The following ERC2 variants were observed in gnomAD, a reference collection of about 807,000 sequenced individuals.
The protein encoded by ERC2 is ERC protein 2.
Under a neutral mutation model 114.8 loss-of-function variants are expected in ERC2, and 42 were observed. The observed-to-expected ratio is 0.37, with a 90% confidence interval of 0.29 to 0.47. The LOEUF is 0.47. Ranked by LOEUF, ERC2 falls within the 20% of genes least tolerant of loss-of-function variation. The pLI is 0.99. For synonymous variants in ERC2, 454 were observed against 425.5 expected (o/e 1.07, Z -0.82); for missense variants, 939 against 1,150.7 (o/e 0.82, Z 2.66).
chr3:55,753,058 T>C (rs2066815947), intron 14 of ERC2, among the ~76,000 whole-genome samples: 1 of 152,108 alleles, frequency 6.6e-6, no homozygotes, highest in South Asian at 2.1e-4. Context: ...ACCAAGTCCA[T>C]GGGGAAGAGA....
intron 3 of ERC2, among the ~76,000 whole-genome samples, chr3:56,195,397 T>C (rs1172061162): frequency 6.6e-6 from 1 of 152,096 alleles, no homozygotes; most frequent in Admixed American, 6.5e-5. Flanking sequence ...TTCTGACCAA[T>C]GATGACTGTG....
chr3:56,313,185 G>A (rs1000733199), intron 2 of ERC2, among the ~76,000 whole-genome samples: 7 of 150,192 alleles, frequency 4.7e-5, no homozygotes, highest in Admixed American at 2.6e-4. Context: ...TTGCTGGGGA[G>A]AGGAGGATGG....
intron 17 of ERC2, among the ~76,000 whole-genome samples, chr3:55,634,696 A>G (rs1559775468): frequency 6.6e-6 from 1 of 152,062 alleles, no homozygotes; most frequent in Non-Finnish European, 1.5e-5. Context: ...CCAATTAGAA[A>G]CTCTGGTTTG....
At chr3:55,901,622 G>A (rs1211338658) in intron 13 of ERC2, among the ~76,000 whole-genome samples, 1 of 152,130 alleles carries the variant, frequency 6.6e-6, no homozygotes, top group Non-Finnish European at 1.5e-5. Flanking sequence ...TCCCATTTAA[G>A]GGCTCACCTT....
At chr3:55,696,526 C>G (rs1363859107) in intron 16 of ERC2, among the ~76,000 whole-genome samples, 1 of 152,190 alleles carries the variant, frequency 6.6e-6, no homozygotes, top group Admixed American at 6.5e-5. Flanking sequence ...TTTCATATGG[C>G]TGTCATTTTT....
intron 3 of ERC2, among the ~76,000 whole-genome samples, chr3:56,209,661 C>A (rs143314607): frequency 6.6e-6 from 1 of 152,316 alleles, no homozygotes; most frequent in East Asian, 1.9e-4. Context: ...AGTCCTCTCA[C>A]AGGTAGGTAA....
intron 14 of ERC2, among the ~76,000 whole-genome samples, chr3:55,793,935 T>G (rs938000108): frequency 1.3e-5 from 2 of 152,182 alleles, no homozygotes; most frequent in African/African-American, 4.8e-5. Flanking sequence ...GATATAGAAA[T>G]AGTGCCAGAT....
chr3:55,937,584 A>AG (rs1159210727), intron 13 of ERC2, among the ~76,000 whole-genome samples: 1 of 152,274 alleles, frequency 6.6e-6, no homozygotes, highest in East Asian at 1.9e-4. Context: ...AAGCACCTCC[A>AG]GGGGGGTCAC....
At chr3:55,677,013 T>C (rs1272610483) in intron 17 of ERC2, among the ~76,000 whole-genome samples, 1 of 152,170 alleles carries the variant, frequency 6.6e-6, no homozygotes, top group Admixed American at 6.5e-5. Flanking sequence ...AGAACTTATT[T>C]ACTGCCCTCC....
At chr3:55,545,472 G>C (rs532228908) in intron 17 of ERC2, among the ~76,000 whole-genome samples, 1 of 152,324 alleles carries the variant, frequency 6.6e-6, no homozygotes, top group East Asian at 1.9e-4. Flanking sequence ...GGAATGCATG[G>C]GATCAGGTAG....
chr3:55,894,773 G>A (rs564370284), intron 13 of ERC2, among the ~76,000 whole-genome samples: 3 of 152,158 alleles, frequency 2.0e-5, no homozygotes, highest in Admixed American at 6.5e-5. Context: ...CTTGTGAAGT[G>A]GAGCTAATGA....
intron 2 of ERC2, among the ~76,000 whole-genome samples, chr3:56,355,395 T>C (rs1224729742): frequency 4.6e-5 from 7 of 151,852 alleles, no homozygotes; most frequent in East Asian, 1.9e-4. Flanking sequence ...CACAGCTCAC[T>C]GCAACCTCGA....
chr3:55,545,344 T>C (rs2054668876), intron 17 of ERC2, among the ~76,000 whole-genome samples: 2 of 152,060 alleles, frequency 1.3e-5, no homozygotes, highest in African/African-American at 4.8e-5. Context: ...TGGGGAGGGA[T>C]CAGAAGGATG....
At chr3:56,162,457 C>A (rs1244057872) in intron 4 of ERC2, among the ~76,000 whole-genome samples, 3 of 152,138 alleles carry the variant, frequency 2.0e-5, no homozygotes, top group African/African-American at 7.2e-5. Flanking sequence ...AAACTAGTAC[C>A]AGCTCTTCTT....
chr3:55,636,792 A>C (rs560857537), intron 17 of ERC2, among the ~76,000 whole-genome samples: 2 of 152,348 alleles, frequency 1.3e-5, no homozygotes, highest in African/African-American at 4.8e-5. Context: ...TCTGGCCCGC[A>C]GCCCTACGGT....
At chr3:55,689,577 T>C (rs1477614449) in intron 16 of ERC2, among the ~76,000 whole-genome samples, 1 of 152,102 alleles carries the variant, frequency 6.6e-6, no homozygotes, top group Non-Finnish European at 1.5e-5. Context: ...TTAAACAAAG[T>C]GAAAATTGTG....
chr3:56,042,429 T>C (rs1459813418), intron 7 of ERC2, among the ~76,000 whole-genome samples: 1 of 152,182 alleles, frequency 6.6e-6, no homozygotes, highest in Non-Finnish European at 1.5e-5. Context: ...TCAGTAAATA[T>C]TCCTCAACTG....
At chr3:55,677,335 C>T (rs2061858254) in intron 17 of ERC2, among the ~76,000 whole-genome samples, 2 of 151,900 alleles carry the variant, frequency 1.3e-5, no homozygotes, top group South Asian at 4.1e-4. Flanking sequence ...TTAAGTAAGG[C>T]CTGCTATGTA....
At chr3:55,819,945 G>C (rs2060056539) in intron 14 of ERC2, among the ~76,000 whole-genome samples, 1 of 152,192 alleles carries the variant, frequency 6.6e-6, no homozygotes, top group African/African-American at 2.4e-5. Context: ...GTGCAATGGA[G>C]GGGGGTTCCC....
Sources: allele counts gnomAD v4.1 joint callset (sites outside exome capture counted in the v4.1 genomes callset), GRCh38; gene constraint gnomAD v4.1.1; transcripts MANE v1.5; gene names NCBI Gene and HGNC (gene_info 2026-07-23, HGNC 2026-07-21).